The following PLXDC2 variants were observed in gnomAD, a reference collection of about 807,000 sequenced individuals.
PLXDC2 encodes the protein plexin domain-containing protein 2.
In PLXDC2, 40 loss-of-function variants were observed where a neutral mutation model predicts 68.9. The observed-to-expected ratio is 0.58, with a 90% CI of 0.45 to 0.76. PLXDC2 has a LOEUF of 0.76. Among genes scored for constraint, PLXDC2 ranks in the 30% least tolerant of loss-of-function variants. The probability of loss-of-function intolerance (pLI) is 0.00; values close to 1 mark genes in which losing one functional copy is unlikely to be tolerated. For missense variants in PLXDC2, 644 were observed against 661.9 expected (o/e 0.97, Z 0.30); for synonymous variants, 243 against 234.2 (o/e 1.04, Z -0.34).
chr10:19,967,835 A>G (rs1834288961), intron 1 of PLXDC2, among the ~76,000 whole-genome samples: 1 of 152,222 alleles, frequency 6.6e-6, no homozygotes, highest in Non-Finnish European at 1.5e-5. Flanking sequence ...TTCCAGAAAA[A>G]TCAAAGATGC....
chr10:20,116,792 C>T lies in PLXDC2; in HGVS notation c.542-26503C>T, dbSNP rs541293185. Among the ~76,000 whole-genome samples, 58 of 152,192 alleles carry T rather than the reference C, an allele frequency of 3.8e-4. No homozygotes were observed. In the South Asian group the frequency reaches 8.7e-3, roughly 23 times the overall value. On this transcript the variant is annotated intron_variant, in intron 4 of 13. Transcript: ENST00000377252. ...TAAATGTTCTACAAAATATTTTATT[C>T]AGTCTTACAAAAATTTTTTTGATAG...
intron 12 of PLXDC2, among the ~76,000 whole-genome samples, chr10:20,236,486 A>G (rs887900058): frequency 2.0e-5 from 3 of 152,144 alleles, no homozygotes; most frequent in African/African-American, 7.2e-5. Context: ...TATATTTTAA[A>G]TAGGGAAAAA....
intron 2 of PLXDC2, among the ~76,000 whole-genome samples, chr10:20,025,177 C>T (rs1353631925): frequency 6.6e-6 from 1 of 152,022 alleles, no homozygotes; most frequent in African/African-American, 2.4e-5. Context: ...AAATTGTTTT[C>T]CACAGTAGCT....
At chr10:20,100,764 C>G (rs894542499) in intron 4 of PLXDC2, among the ~76,000 whole-genome samples, 1 of 152,016 alleles carries the variant, frequency 6.6e-6, no homozygotes, top group South Asian at 2.1e-4. Context: ...ATTCTCTGTT[C>G]AATCAGGTGA....
chr10:19,841,623 G>T (rs930767718), intron 1 of PLXDC2, among the ~76,000 whole-genome samples: 1 of 148,048 alleles, frequency 6.8e-6, no homozygotes, highest in Admixed American at 6.8e-5. Context: ...TGTGACCTTA[G>T]ACAGATAGAC....
intron 1 of PLXDC2, among the ~76,000 whole-genome samples, chr10:19,934,698 AAC>A (rs1833694601): frequency 6.6e-6 from 1 of 152,218 alleles, no homozygotes; most frequent in Non-Finnish European, 1.5e-5. Context: ...GATTAAAATA[AAC>A]ACAGTGTTCT....
chr10:20,108,197 A>G (rs1391906423), intron 4 of PLXDC2, among the ~76,000 whole-genome samples: 1 of 152,180 alleles, frequency 6.6e-6, no homozygotes, highest in Non-Finnish European at 1.5e-5. Context: ...CCTTTGGCTC[A>G]ACTCCTTTCT....
At chr10:19,998,179 T>A (rs1412919177) in intron 1 of PLXDC2, among the ~76,000 whole-genome samples, 1 of 152,204 alleles carries the variant, frequency 6.6e-6, no homozygotes, top group Non-Finnish European at 1.5e-5. Context: ...ATCACATATA[T>A]TCCTTCATCT....
At chr10:20,089,655 T>C (rs2131729187) in intron 4 of PLXDC2, among the ~76,000 whole-genome samples, 1 of 152,252 alleles carries the variant, frequency 6.6e-6, no homozygotes, top group Admixed American at 6.5e-5. Context: ...GAAAACAGGG[T>C]CCTGGCCATA....
At chr10:20,149,615 C>T (rs1371242369) in intron 6 of PLXDC2, among the ~76,000 whole-genome samples, 1 of 152,132 alleles carries the variant, frequency 6.6e-6, no homozygotes, top group Non-Finnish European at 1.5e-5. Context: ...TTGTTCCCTT[C>T]TTTGGCCCAT....
intron 13 of PLXDC2, among the ~76,000 whole-genome samples, chr10:20,260,204 C>T (rs555268494): frequency 6.6e-6 from 1 of 152,220 alleles, no homozygotes; most frequent in East Asian, 1.9e-4. Flanking sequence ...GTGATACATG[C>T]ACCTAAAATC....
intron 1 of PLXDC2, among the ~76,000 whole-genome samples, chr10:19,965,939 A>G (rs749773712): frequency 1.7e-4 from 26 of 152,126 alleles, no homozygotes; most frequent in Non-Finnish European, 3.2e-4. Context: ...TCTCAATTCT[A>G]GAAGATGCTT....
At chr10:20,062,497 C>G (rs1015030383) in intron 3 of PLXDC2, among the ~76,000 whole-genome samples, 1 of 151,944 alleles carries the variant, frequency 6.6e-6, no homozygotes, top group East Asian at 1.9e-4. Context: ...CGCACAGTTA[C>G]TAAGTACCAA....
At chr10:20,155,703 A>G (rs977069846) in intron 6 of PLXDC2, among the ~76,000 whole-genome samples, 2 of 152,148 alleles carry the variant, frequency 1.3e-5, no homozygotes, top group African/African-American at 4.8e-5. Context: ...GCTATCTCAC[A>G]TATAGAAGTG....
In PLXDC2 at chr10:20,005,333, A is replaced by T. The variant is rs1267100413; in HGVS notation, c.324+3347A>T. Among the ~76,000 whole-genome samples the T allele has an allele frequency of 7.2e-5, 11 of 152,168 alleles. No homozygotes were observed. The East Asian group carries it at 1.9e-3, about 27-fold the overall frequency. On this transcript the variant is annotated intron_variant, in intron 2 of 13. Transcript: ENST00000377252. ...CTAAGAACACTGCTTTTATTTCAAG[A>T]TTCATTTATTTTGTTGGGGTTCTGG...
chr10:19,895,975 A>G (rs757765807), intron 1 of PLXDC2, among the ~76,000 whole-genome samples: 2 of 152,174 alleles, frequency 1.3e-5, no homozygotes, highest in Non-Finnish European at 1.5e-5. Flanking sequence ...CTTTGGAATC[A>G]TGGTACCACT....
At chr10:20,009,025 G>A (rs2131642738) in intron 2 of PLXDC2, among the ~76,000 whole-genome samples, 2 of 152,246 alleles carry the variant, frequency 1.3e-5, no homozygotes, top group South Asian at 4.1e-4. Context: ...ATACAAGAGA[G>A]TACATTGGAT....
At chr10:20,263,655 G>A (rs1835836682) in intron 13 of PLXDC2, among the ~76,000 whole-genome samples, 2 of 152,222 alleles carry the variant, frequency 1.3e-5, no homozygotes, top group African/African-American at 2.4e-5. Context: ...TAAAAAGTGG[G>A]CAAAGTGGAT....
intron 4 of PLXDC2, among the ~76,000 whole-genome samples, chr10:20,137,748 A>AG (rs1356327938): frequency 2.0e-5 from 3 of 152,256 alleles, no homozygotes; most frequent in Non-Finnish European, 4.4e-5. Flanking sequence ...ACACAAAAAA[A>AG]CTGATTCGTG....
Sources: allele counts gnomAD v4.1 joint callset (sites outside exome capture counted in the v4.1 genomes callset), GRCh38; gene constraint gnomAD v4.1.1; transcripts MANE v1.5; gene names NCBI Gene and HGNC (gene_info 2026-07-23, HGNC 2026-07-21).